Variants in SPATA20 observed in about 807,000 individuals in gnomAD.
The protein encoded by SPATA20 is spermatogenesis associated 20.
SPATA20 carries 74 observed loss-of-function variants against 98.9 expected under a neutral mutation model. That is an observed-to-expected ratio of 0.75 (90% CI 0.62 to 0.91). The LOEUF is 0.91. Among genes scored for constraint, SPATA20 ranks in the 40% least tolerant of loss-of-function variants. The pLI, the probability that SPATA20 is intolerant of heterozygous loss-of-function variation, is 0.00. For missense variants in SPATA20, 1,016 were observed against 1,069.8 expected (o/e 0.95, Z 0.70); for synonymous variants, 430 against 440.5 (o/e 0.98, Z 0.30).
intron 16 of SPATA20, 22 bp from the exon 17 acceptor site, chr17:50,555,470 C>T (rs758804945): frequency 1.9e-6 from 3 of 1,613,322 alleles, no homozygotes; most frequent in Non-Finnish European, 1.7e-6. Context: ...AGGTGACTCT[C>T]CCTGCTCTGC....
At position 50,555,272 on chromosome 17, in the gene SPATA20, C is replaced by T. The variant is rs1308521208; in HGVS notation, c.2198C>T (p.Ala733Val). Reference protein sequence around the residue: ...CGDRQAKDTKALVQCVHSVYI... With the variant: ...CGDRQAKDTKVLVQCVHSVYI... ...GACCGTCAGGCCAAGGACACCAAGG[C>T]CCTGGTGCAGTGCGTCCACTCTGTC... The change falls in exon 16 of 17, where the codon GCC becomes GTC. Residue 733 changes from alanine to valine, a missense_variant. Coordinates refer to ENST00000006658, the MANE Select transcript of SPATA20 (RefSeq NM_022827.4). 1.2e-6 allele frequency: 2 copies of T among 1,613,998 alleles called. No individual in the cohort carries two copies. Among genetic ancestry groups the T allele is most frequent in the Non-Finnish European group, 1.7e-6 (2 of 1,179,952 alleles).
At chr17:50,552,937 A>G (rs142263930) in intron 14 of SPATA20, among the ~76,000 whole-genome samples, 134 of 152,364 alleles carry the variant, frequency 8.8e-4, no homozygotes, top group Non-Finnish European at 1.3e-3. Flanking sequence ...TTCTGTAAAC[A>G]TGCTTAGCAC....
rs572396062 is a variant in SPATA20 at position 50,550,848 on chromosome 17, G to A, written c.1314G>A (p.Pro438=). 9.9e-6 allele frequency: 16 copies of A among 1,613,080 alleles called. No individual in the cohort carries two copies. The Admixed American group carries it at 1.5e-4, about 15-fold the overall frequency. The change falls in exon 11 of 17, where the codon CCG becomes CCA. Residue 438 remains proline (P), a synonymous_variant. Coordinates refer to ENST00000006658, the MANE Select transcript of SPATA20 (RefSeq NM_022827.4). The part of the protein sequence containing the change: ...LPEPVLGATE[P]LTSGQLLMKH... ...AGCCTGTGTTGGGTGCCACCGAGCC[G>A]CTGACCTCAGGCCAGCTCCTCATGA... is the stretch of plus-strand genomic sequence containing the variant.
In SPATA20 at chr17:50,555,672, C is replaced by T. The variant is rs753203763; in HGVS notation, c.*10C>T. 10 of 1,612,486 alleles carry T rather than the reference C, an allele frequency of 6.2e-6. No homozygotes were observed. In the East Asian group the frequency reaches 1.8e-4, roughly 29 times the overall value. On this transcript the variant is annotated 3_prime_UTR_variant, in exon 17 of 17. Transcript: ENST00000006658. ...ACTACTACATCCATGACTGCCCCAA[C>T]CCCCTTGGGGTGGGGCAGAAGGTGA...
In SPATA20 at chr17:50,550,836, T is replaced by A; in HGVS notation, c.1302T>A (p.Gly434=). The A allele has an allele frequency of 6.2e-7, 1 of 1,612,922 alleles. No homozygotes were observed. The highest frequency in any genetic ancestry group is 1.1e-5 in the South Asian group (1 of 91,088). ...AGCTCCTCCCGGAGCCTGTGTTGGGTGCCACCGAGCCGCTGACCTCAGGCC... is the reference window on the plus strand; with the variant it reads ...AGCTCCTCCCGGAGCCTGTGTTGGGAGCCACCGAGCCGCTGACCTCAGGCC... ...VQQLLPEPVL[G]ATEPLTSGQL... is the part of the protein sequence containing the mutation. The change falls in exon 11 of 17, where the codon GGT becomes GGA. Residue 434 remains glycine (G), a synonymous_variant. Transcript: ENST00000006658.
intron 7 of SPATA20, among the ~76,000 whole-genome samples, 172 bp downstream of exon 7, chr17:50,549,659 A>T (rs2034978634): frequency 6.6e-6 from 1 of 152,188 alleles, no homozygotes; most frequent in Non-Finnish European, 1.5e-5. Flanking sequence ...TGCTGGTGTC[A>T]GCAGTGACCC....
chr17:50,550,929 T>G lies in SPATA20; in HGVS notation c.1383+12T>G. 6.2e-7 allele frequency: 1 copy of G among 1,612,318 alleles called. No homozygotes were observed. Among genetic ancestry groups the G allele is most frequent in the Non-Finnish European group, 8.5e-7 (1 of 1,179,374 alleles). ...TCAGCCCCAGTCAGGTGAGGACTTC[T>G]GGGGTCACCTGACGGGCCCTGGTGC... On this transcript the variant is annotated intron_variant, in intron 11 of 16. Coordinates refer to ENST00000006658, the MANE Select transcript of SPATA20 (RefSeq NM_022827.4).
intron 14 of SPATA20, 41 bp from the exon 15 acceptor site, chr17:50,554,210 C>A (rs1303560802): frequency 6.3e-7 from 1 of 1,592,216 alleles, no homozygotes; most frequent in African/African-American, 1.3e-5. Context: ...GACTCAGTGA[C>A]CTGCCCTTAC....
Position 50,548,911 on chromosome 17 carries a change from G to A in SPATA20, c.463G>A (p.Val155Ile), listed in dbSNP as rs540627294. The A allele has an allele frequency of 6.2e-7, 1 of 1,614,200 alleles. No homozygotes were observed. The highest frequency in any genetic ancestry group is 1.1e-5 in the South Asian group (1 of 91,084). ...LLSEDFVSVK[V>I]DREERPDVDK... ...CAGTGAGGACTTTGTGAGTGTGAAG[G>A]TAGACCGTGAGGAGCGGCCTGACGT... The change falls in exon 5 of 17, where the codon GTA becomes ATA. Residue 155 changes from valine to isoleucine, a missense_variant. Coordinates refer to ENST00000006658, the MANE Select transcript of SPATA20 (RefSeq NM_022827.4).
rs1303051018 is a variant in SPATA20 at position 50,548,977 on chromosome 17, C to T, written c.516+13C>T. 2 of 1,614,100 alleles carry T rather than the reference C, an allele frequency of 1.2e-6. No homozygotes were observed. Among genetic ancestry groups the T allele is most frequent in the African/African-American group, 1.3e-5 (1 of 75,046 alleles). ...GACGTTCGTGCAGGTGAGCAGCCCT[C>T]CTCGGGAGTGTATGCGCCACATGGG... On this transcript the variant is annotated intron_variant, in intron 5 of 16. Transcript: ENST00000006658.
At position 50,548,855 on chromosome 17, in the gene SPATA20, C is replaced by T. The variant is rs763196987; in HGVS notation, c.407C>T (p.Ser136Phe). The T allele has an allele frequency of 1.2e-6, 2 of 1,614,094 alleles. No homozygotes were observed. The highest frequency in any genetic ancestry group is 2.7e-5 in the African/African-American group (2 of 75,026). Residue 136 changes from serine to phenylalanine, a missense_variant, in exon 5 of 17, where the codon TCC (serine) becomes TTC (phenylalanine). Transcript: ENST00000006658. ...TGGTGCCACATGATGGAAGAGGAGT[C>T]CTTCCAGAATGAGGAGATTGGCCGC... is the stretch of plus-strand genomic sequence containing the variant. ...CHWCHMMEEESFQNEEIGRLL... is the reference protein window; with the variant it reads ...CHWCHMMEEEFFQNEEIGRLL...
rs561570027 is a variant in SPATA20, at chr17:50,550,492, C to T, written c.1099-44C>T. On this transcript the variant is annotated intron_variant, in intron 9 of 16. Transcript: ENST00000006658. ...GTTGCCACCTTCCACCTGGGCCTCC[C>T]CAGTGACCTCTCTGTTCACAGTCTC... 6 of 1,569,666 alleles carry T rather than the reference C, an allele frequency of 3.8e-6. No individual in the cohort carries two copies. The Admixed American group carries it at 5.1e-5, about 13-fold the overall frequency.
Position 50,552,060 on chromosome 17 carries a change from C to CT in SPATA20, c.1838dup (p.Glu614ArgfsTer26). 6.2e-7 allele frequency: 1 copy of CT among 1,613,878 alleles called. No homozygotes were observed. The highest frequency in any genetic ancestry group is 8.5e-7 in the Non-Finnish European group (1 of 1,179,972). On this transcript the variant is annotated frameshift_variant, in exon 14 of 17. Transcript: ENST00000006658. LOFTEE classifies it high-confidence loss of function. The stretch of plus-strand genomic sequence containing the variant: ...TGAGGCCTCACAGGAGAGTGCGTGG[C>CT]TCGAGTGGGCTCTGCGGCTGCAGGA...
rs1199828681 is a variant in SPATA20 at position 50,551,292 on chromosome 17, G to A, written c.1576+102G>A. On this transcript the variant is annotated intron_variant, in intron 12 of 16. Coordinates refer to ENST00000006658, the MANE Select transcript of SPATA20 (RefSeq NM_022827.4). ...AAATGCTCACTCTCCCTTGATTAGC[G>A]TTATTATTCTCAGTTGACAAAAGAG... 4.8e-6 allele frequency: 6 copies of A among 1,246,430 alleles called. No individual in the cohort carries two copies. In the Admixed American group the frequency reaches 7.6e-5, roughly 16 times the overall value. The allele number at this position is 1,246,430 out of a possible 1,614,324, so 77.2% of individuals were successfully genotyped here.
chr17:50,548,487 G>C (rs557590301), intron 3 of SPATA20, 34 bp downstream of exon 3: 2 of 1,613,386 alleles, frequency 1.2e-6, no homozygotes, highest in Admixed American at 1.7e-5. Context: ...GCCTGGAATC[G>C]CTGGGGTCCT....
At chr17:50,551,942 G>T (rs2035022643) in intron 13 of SPATA20, 27 bp from the exon 14 acceptor site, 5 of 1,548,876 alleles carry the variant, frequency 3.2e-6, no homozygotes, top group Non-Finnish European at 4.4e-6. Flanking sequence ...GCTCTCCCCA[G>T]CCCCTCCCGT....
chr17:50,554,214 C>T, intron 14 of SPATA20, 37 bp from the exon 15 acceptor site: 2 of 1,598,586 alleles, frequency 1.3e-6, no homozygotes, highest in Non-Finnish European at 1.7e-6. Flanking sequence ...CAGTGACCTG[C>T]CCTTACCCCC....
rs752112420 is a variant in SPATA20, at chr17:50,548,612, C to T, written c.355C>T (p.Leu119Phe). Residue 119 changes from leucine (L) to phenylalanine (F), a missense_variant, in exon 4 of 17, where the codon CTC (leucine) becomes TTC (phenylalanine). By Grantham distance (22) the Leu-to-Phe change is conservative (BLOSUM62 0). Transcript: ENST00000006658. ...KARKENKPIF[L>F]SVGYSTCHWC... ...CAGGAAGGAAAACAAGCCGATTTTC[C>T]TCTCAGGTAATGCTCCCACCTTCCC... The T allele has an allele frequency of 1.9e-6, 3 of 1,613,134 alleles. No homozygotes were observed. Among genetic ancestry groups the T allele is most frequent in the Admixed American group, 1.7e-5 (1 of 59,970 alleles).
Position 50,555,324 on chromosome 17 carries a change from T to A in SPATA20, c.2238+12T>A. The A allele has an allele frequency of 6.2e-7, 1 of 1,613,214 alleles. No individual in the cohort carries two copies. Among genetic ancestry groups the A allele is most frequent in the East Asian group, 2.2e-5 (1 of 44,874 alleles). ...ACATTCCTAACAAGGTACCCATCCC[T>A]GTGAGCCCAATCTGCCACCTCCCCA... On this transcript the variant is annotated intron_variant, in intron 16 of 16. Transcript: ENST00000006658.
Sources: gnomAD v4.1 joint callset for allele counts (sites outside exome capture counted in the v4.1 genomes callset) on GRCh38, gnomAD v4.1.1 for gene constraint, MANE v1.5 for transcripts, NCBI Gene and HGNC (gene_info 2026-07-23, HGNC 2026-07-21) for gene names.